The following ABCG2 variants were observed in gnomAD, a reference collection of about 807,000 sequenced individuals.
The protein encoded by ABCG2 is broad substrate specificity ATP-binding cassette transporter ABCG2.
A neutral mutation model predicts 73.5 loss-of-function variants in ABCG2; 80 were observed. The observed-to-expected ratio is 1.09, with a 90% confidence interval of 0.91 to 1.31. The LOEUF is 1.31. Among genes scored for constraint, ABCG2 ranks in the 50% most tolerant of loss-of-function variants. The pLI, the probability that ABCG2 is intolerant of heterozygous loss-of-function variation, is 0.00. For synonymous variants in ABCG2, 269 were observed against 282.4 expected (o/e 0.95, Z 0.48); for missense variants, 796 against 786.2 (o/e 1.01, Z -0.15).
chr4:88,201,158 G>A (rs945546991), intron 1 of ABCG2, among the ~76,000 whole-genome samples: 12 of 138,688 alleles, frequency 8.7e-5, no homozygotes, highest in Admixed American at 2.9e-4. Flanking sequence ...AACAAAAGCC[G>A]GTTATTTGAA....
upstream of ABCG2, chr4:88,158,993 G>A (rs1727157290): frequency 2.8e-6 from 1 of 360,886 alleles, no homozygotes; most frequent in Non-Finnish European, 5.4e-6. Context: ...GCCGGGCCGC[G>A]ATAAGCGCCC....
Position 88,092,005 on chromosome 4 carries a change from G to A in ABCG2, c.*229C>T. 2.7e-6 allele frequency: 1 copy of A among 370,322 alleles called. No individual in the cohort carries two copies. 22.9% of individuals were successfully genotyped at this position (370,322 alleles called of 1,614,324 possible). On this transcript the variant is annotated 3_prime_UTR_variant, in exon 16 of 16. Coordinates refer to ENST00000237612, the MANE Select transcript of ABCG2 (RefSeq NM_004827.3). ...AAATTAGACCAGATTTCTTCCCCAT[G>A]GTTACTGTCTGAGGAGATTAACTAA... is the stretch of plus-strand genomic sequence containing the variant.
At chr4:88,217,661 C>CAA (rs113985016) in intron 1 of ABCG2, among the ~76,000 whole-genome samples, 1 of 142,490 alleles carries the variant, frequency 7.0e-6, no homozygotes, top group Admixed American at 7.1e-5. Context: ...GACCCTGCCT[C>CAA]AAAAAAAAAA....
At chr4:88,093,854 G>A (rs1213413283) in intron 15 of ABCG2, among the ~76,000 whole-genome samples, 1 of 152,118 alleles carries the variant, frequency 6.6e-6, no homozygotes, top group Non-Finnish European at 1.5e-5. Context: ...GAAAAGGCAC[G>A]TGTTACTAAA....
chr4:88,220,654 T>C (rs1729982168), intron 1 of ABCG2: 1 of 152,554 alleles, frequency 6.6e-6, no homozygotes, highest in African/African-American at 2.4e-5. Context: ...AGACCAGTGA[T>C]ATGGTTTGGC....
intron 1 of ABCG2, among the ~76,000 whole-genome samples, chr4:88,229,347 CA>C (rs1412958811): frequency 1.3e-5 from 2 of 152,074 alleles, no homozygotes; most frequent in African/African-American, 4.8e-5. Context: ...TTCACTAGAA[CA>C]ACAAAATTGG....
intron 1 of ABCG2, among the ~76,000 whole-genome samples, chr4:88,198,247 A>C (rs1729016160): frequency 6.6e-6 from 1 of 151,618 alleles, no homozygotes; most frequent in Non-Finnish European, 1.5e-5. Context: ...ACAGGAGAAT[A>C]GCTTGAACCC....
At chr4:88,202,222 G>C (rs1387007985) in intron 1 of ABCG2, among the ~76,000 whole-genome samples, 2 of 151,116 alleles carry the variant, frequency 1.3e-5, no homozygotes, top group Non-Finnish European at 2.9e-5. Context: ...AGAAATTTGA[G>C]AGTCTAGGCG....
At chr4:88,200,576 G>A (rs1729116599) in intron 1 of ABCG2, among the ~76,000 whole-genome samples, 1 of 152,118 alleles carries the variant, frequency 6.6e-6, no homozygotes, top group Non-Finnish European at 1.5e-5. Context: ...GCAGTGGTGG[G>A]ATCTTGGCTC....
intron 14 of ABCG2, among the ~76,000 whole-genome samples, 199 bp downstream of exon 14, chr4:88,095,321 G>A (rs181893208): frequency 2.0e-5 from 3 of 152,298 alleles, no homozygotes; most frequent in Non-Finnish European, 2.9e-5. Flanking sequence ...TTTAAAGGAT[G>A]ACTGAGGAAA....
At chr4:88,224,051 A>T (rs889631988) in intron 1 of ABCG2, among the ~76,000 whole-genome samples, 2 of 151,954 alleles carry the variant, frequency 1.3e-5, no homozygotes, top group African/African-American at 2.4e-5. Context: ...CTTTTTAATC[A>T]TTTTTTTGTT....
chr4:88,149,744 G>A (rs868551108), intron 1 of ABCG2, among the ~76,000 whole-genome samples: 4 of 152,146 alleles, frequency 2.6e-5, no homozygotes, highest in Non-Finnish European at 4.4e-5. Context: ...CCAGCCACTC[G>A]GGAGGCTGAG....
chr4:88,151,701 T>C (rs1437577182), intron 1 of ABCG2, among the ~76,000 whole-genome samples: 1 of 148,812 alleles, frequency 6.7e-6, no homozygotes, highest in Admixed American at 6.8e-5. Flanking sequence ...ATGGCGCCAC[T>C]GCACTCCAGC....
At chr4:88,176,580 A>G (rs929463130) in intron 1 of ABCG2, among the ~76,000 whole-genome samples, 1 of 145,076 alleles carries the variant, frequency 6.9e-6, no homozygotes, top group African/African-American at 2.6e-5. Context: ...TCCTGGACTC[A>G]GGTGATCCTC....
At chr4:88,212,284 T>C (rs1257300139) in intron 1 of ABCG2, among the ~76,000 whole-genome samples, 1 of 152,224 alleles carries the variant, frequency 6.6e-6, no homozygotes, top group Non-Finnish European at 1.5e-5. Context: ...GAATTTCATG[T>C]CATTACACTT....
upstream of ABCG2, chr4:88,158,752 G>A: frequency 2.6e-6 from 1 of 385,492 alleles, no homozygotes; most frequent in Non-Finnish European, 5.1e-6. Flanking sequence ...CTCCCCTCGC[G>A]CGGCGGCCGG....
chr4:88,131,051 T>C lies in ABCG2; in HGVS notation c.531+10A>G. On this transcript the variant is annotated intron_variant, in intron 5 of 15. Coordinates refer to ENST00000237612, the MANE Select transcript of ABCG2 (RefSeq NM_004827.3). ...TGCTGATCATGATGCTTTCAGTTTT[T>C]CCACATTACCTTGGAGTCTGCCACT... The C allele has an allele frequency of 6.2e-7, 1 of 1,613,664 alleles. No homozygotes were observed. Among genetic ancestry groups the C allele is most frequent in the Non-Finnish European group, 8.5e-7 (1 of 1,179,842 alleles).
chr4:88,151,550 A>T (rs1001134591), intron 1 of ABCG2, among the ~76,000 whole-genome samples: 6 of 152,224 alleles, frequency 3.9e-5, no homozygotes, highest in Non-Finnish European at 8.8e-5. Context: ...CATCCTGGCT[A>T]ACACGGTGAA....
chr4:88,214,116 T>C (rs1729710753), intron 1 of ABCG2, among the ~76,000 whole-genome samples: 1 of 149,560 alleles, frequency 6.7e-6, no homozygotes, highest in Non-Finnish European at 1.5e-5. Flanking sequence ...GCCTCCTAAG[T>C]AAGTGGGACT....
Sources: gnomAD v4.1 joint callset for allele counts (sites outside exome capture counted in the v4.1 genomes callset) on GRCh38, gnomAD v4.1.1 for gene constraint, MANE v1.5 for transcripts, NCBI Gene and HGNC (gene_info 2026-07-23, HGNC 2026-07-21) for gene names.